The following COPG2 variants were observed in gnomAD, a reference collection of about 807,000 sequenced individuals.
The protein encoded by COPG2 is coat protein complex I subunit gamma 2.
Under a neutral mutation model 46.3 loss-of-function variants are expected in COPG2, and 37 were observed. That is an observed-to-expected ratio of 0.80 (90% CI 0.61 to 1.05). The LOEUF (loss-of-function observed/expected upper bound fraction) is 1.05. COPG2 is among the 50% of genes least tolerant of loss of function. The pLI, the probability that COPG2 is intolerant of heterozygous loss-of-function variation, is 0.00. For missense variants in COPG2, 427 were observed against 387.8 expected, an observed-to-expected ratio of 1.10 and a Z score of -0.85; for synonymous variants, 159 against 129.7, an observed-to-expected ratio of 1.23 and a Z score of -1.53.
intron 9 of COPG2, chr7:130,608,228 C>T: frequency 2.1e-6 from 1 of 467,036 alleles, no homozygotes; most frequent in Non-Finnish European, 4.3e-6. Flanking sequence ...AAAAACTTTA[C>T]AAATGTCCAT....
chr7:130,556,733 A>G (rs1793632440), intron 12 of COPG2, among the ~76,000 whole-genome samples: 1 of 152,222 alleles, frequency 6.6e-6, no homozygotes, highest in South Asian at 2.1e-4. Flanking sequence ...ATGGTTCAGC[A>G]TTAGAAAATT....
chr7:130,520,152 T>G (rs1799712766), intron 20 of COPG2, among the ~76,000 whole-genome samples: 1 of 152,178 alleles, frequency 6.6e-6, no homozygotes, highest in African/African-American at 2.4e-5. Context: ...TCACTTATTA[T>G]AGAGTCAGTG....
chr7:130,605,106 A>T (rs1249857148), intron 9 of COPG2: 3 of 483,882 alleles, frequency 6.2e-6, no homozygotes, highest in Non-Finnish European at 1.2e-5. Context: ...AGGCCACTTG[A>T]TCTTATCCCA....
intron 2 of COPG2, among the ~76,000 whole-genome samples, chr7:130,667,161 A>G (rs1382096873): frequency 3.9e-5 from 6 of 152,226 alleles, no homozygotes; most frequent in African/African-American, 1.4e-4. Flanking sequence ...TACCAGTTAA[A>G]TAAGGATCAC....
chr7:130,656,055 T>C (rs189597574), intron 4 of COPG2, among the ~76,000 whole-genome samples: 7 of 152,302 alleles, frequency 4.6e-5, no homozygotes, highest in Admixed American at 2.6e-4. Flanking sequence ...CAACTTTTTG[T>C]AAATGATCTT....
chr7:130,608,471 G>A (rs1163441061), intron 9 of COPG2, among the ~76,000 whole-genome samples: 1 of 152,082 alleles, frequency 6.6e-6, no homozygotes, highest in Non-Finnish European at 1.5e-5. Context: ...ACTCCTTTTA[G>A]CATCCTTCAT....
intron 9 of COPG2, chr7:130,605,864 A>G: frequency 2.2e-6 from 1 of 461,546 alleles, no homozygotes; most frequent in East Asian, 5.9e-5. Context: ...AAGCCATTAC[A>G]TTTAATGGTA....
intron 14 of COPG2, among the ~76,000 whole-genome samples, chr7:130,553,758 G>T (rs1316975730): frequency 2.6e-5 from 4 of 152,312 alleles, no homozygotes; most frequent in Non-Finnish European, 5.9e-5. Flanking sequence ...AATGGTGCTG[G>T]AAAGAGGAGC....
At chr7:130,612,328 C>T (rs1794866868) in intron 7 of COPG2, 90 bp from the exon 8 acceptor site, 1 of 808,292 alleles carries the variant, frequency 1.2e-6, no homozygotes, top group Non-Finnish European at 1.9e-6. Flanking sequence ...AAATCACAGA[C>T]ATTTCCCAAG....
At chr7:130,626,400 A>ATTTTTTTTTTTTTTTT (rs60484682) in intron 5 of COPG2, among the ~76,000 whole-genome samples, 1 of 119,842 alleles carries the variant, frequency 8.3e-6, no homozygotes, top group Non-Finnish European at 1.7e-5. Context: ...CACCAGGCTA[A>ATTTTTTTTTTTTTTTT]TTTTTTTTTT....
intron 4 of COPG2, among the ~76,000 whole-genome samples, chr7:130,654,692 G>C (rs80017510): frequency 0.021 from 3,219 of 152,168 alleles, 92 homozygotes; most frequent in African/African-American, 0.065. Context: ...AAAACCCATT[G>C]CAATTTTGAA....
intron 7 of COPG2, among the ~76,000 whole-genome samples, chr7:130,612,635 G>T (rs1457192252): frequency 1.3e-5 from 2 of 152,128 alleles, no homozygotes; most frequent in Admixed American, 1.3e-4. Flanking sequence ...TCCAGAATCA[G>T]GAACTCTTGT....
intron 20 of COPG2, chr7:130,509,931 G>T: frequency 2.1e-6 from 1 of 473,384 alleles, no homozygotes; most frequent in East Asian, 6.4e-5. Flanking sequence ...GGCAAGCAGA[G>T]GAAGATGTAC....
intron 6 of COPG2, among the ~76,000 whole-genome samples, chr7:130,615,558 G>A (rs1217692329): frequency 1.3e-5 from 2 of 152,156 alleles, no homozygotes; most frequent in Non-Finnish European, 2.9e-5. Flanking sequence ...GCTATATCAT[G>A]TAGATATTAA....
At chr7:130,589,980 A>AT (rs1208307877) in intron 9 of COPG2, among the ~76,000 whole-genome samples, 6 of 152,118 alleles carry the variant, frequency 3.9e-5, no homozygotes, top group African/African-American at 4.8e-5. Context: ...AACTTTATGT[A>AT]TTTTTTAATC....
At chr7:130,527,914 G>A (rs1584963886) in intron 20 of COPG2, among the ~76,000 whole-genome samples, 2 of 152,154 alleles carry the variant, frequency 1.3e-5, no homozygotes, top group East Asian at 3.9e-4. Context: ...GACTCAGGTG[G>A]AGGAGTGAGG....
At chr7:130,518,918 A>G (rs1799701454) in intron 20 of COPG2, among the ~76,000 whole-genome samples, 2 of 150,720 alleles carry the variant, frequency 1.3e-5, no homozygotes, top group Non-Finnish European at 2.9e-5. Flanking sequence ...AGGCAGGAAA[A>G]CTGCTTGAAC....
At chr7:130,665,924 G>T (rs1386249489) in intron 3 of COPG2, among the ~76,000 whole-genome samples, 1 of 151,906 alleles carries the variant, frequency 6.6e-6, no homozygotes, top group Non-Finnish European at 1.5e-5. Context: ...ATTTTTGCTG[G>T]TTTGTCTGCT....
At chr7:130,631,834 T>C (rs1274255274) in intron 5 of COPG2, among the ~76,000 whole-genome samples, 1 of 152,228 alleles carries the variant, frequency 6.6e-6, no homozygotes, top group Non-Finnish European at 1.5e-5. Flanking sequence ...TCCAGTATTC[T>C]TCATTTCTTT....
Sources: gnomAD v4.1 joint callset for allele counts (sites outside exome capture counted in the v4.1 genomes callset) on GRCh38, gnomAD v4.1.1 for gene constraint, MANE v1.5 for transcripts, NCBI Gene and HGNC (gene_info 2026-07-23, HGNC 2026-07-21) for gene names.